KDM3B: variants seen among roughly 807,000 people sequenced by gnomAD.
KDM3B encodes the protein lysine-specific demethylase 3B.
Under a neutral mutation model 170.0 loss-of-function variants are expected in KDM3B, and 10 were observed. The ratio of observed to expected loss-of-function variants is 0.06; its 90% CI spans 0.04 to 0.10. The LOEUF (loss-of-function observed/expected upper bound fraction) is 0.10. KDM3B is among the 10% of genes least tolerant of loss of function. KDM3B has a pLI of 1.00. For missense variants in KDM3B, 1,394 were observed against 2,195.2 expected, an observed-to-expected ratio of 0.64 and a Z score of 7.29; for synonymous variants, 831 against 834.8, an observed-to-expected ratio of 1.00 and a Z score of 0.08.
chr5:138,357,011 G>T (rs967437240), intron 1 of KDM3B, among the ~76,000 whole-genome samples: 1 of 149,794 alleles, frequency 6.7e-6, no homozygotes, highest in African/African-American at 2.5e-5. Flanking sequence ...CAGAATTATC[G>T]GGCCTCTTTT....
At chr5:138,433,598 G>A (rs777514801) in intron 23 of KDM3B, among the ~76,000 whole-genome samples, 18 of 151,822 alleles carry the variant, frequency 1.2e-4, no homozygotes, top group Admixed American at 7.2e-4. Context: ...TGGTAGAGAC[G>A]TGGTTTCACC....
intron 6 of KDM3B, among the ~76,000 whole-genome samples, chr5:138,383,810 C>T (rs1189359769): frequency 1.3e-5 from 2 of 151,980 alleles, no homozygotes; most frequent in Non-Finnish European, 1.5e-5. Flanking sequence ...ATTAGCTGGG[C>T]GTAGTGGCGG....
intron 23 of KDM3B, among the ~76,000 whole-genome samples, chr5:138,432,559 C>T (rs1054810494): frequency 2.0e-5 from 3 of 152,028 alleles, no homozygotes; most frequent in African/African-American, 7.2e-5. Context: ...GTCCCAGCTA[C>T]TTGAGAGGCT....
intron 1 of KDM3B, among the ~76,000 whole-genome samples, chr5:138,360,665 G>A (rs1423976608): frequency 2.0e-5 from 3 of 150,644 alleles, no homozygotes; most frequent in Admixed American, 6.6e-5. Context: ...TCCACCTCCC[G>A]GGTTCAAGTG....
Position 138,398,257 on chromosome 5 carries a change from C to G in KDM3B, c.2911C>G (p.Leu971Val). ...PQQSDPDAMN[L>V]WIPSSSLAEG... ...GCAAAGTGACCCTGATGCCATGAACCTGTGGATTCCCTCTTCCTCCCTAGC... is the reference window on the plus strand; with the variant it reads ...GCAAAGTGACCCTGATGCCATGAACGTGTGGATTCCCTCTTCCTCCCTAGC... The change falls in exon 10 of 24, where the codon CTG becomes GTG. Residue 971 changes from leucine (L) to valine (V), a missense_variant. This residue lies in a region of KDM3B where 76 missense variants were observed against 190.2 expected (regional missense o/e 0.40). Coordinates refer to ENST00000314358, the MANE Select transcript of KDM3B (RefSeq NM_016604.4). 1 of 1,614,132 alleles carries G rather than the reference C, an allele frequency of 6.2e-7. No homozygotes were observed. The highest frequency in any genetic ancestry group is 8.5e-7 in the Non-Finnish European group (1 of 1,180,024).
Position 138,391,943 on chromosome 5 carries a change from A to C in KDM3B, c.2311A>C (p.Arg771=), listed in dbSNP as rs1314178644. The part of the protein sequence containing the change: ...LLKTFSNVFG[R]HSGGFLSSPA... ...CAAAACCTTTAGTAACGTCTTTGGC[A>C]GGCACTCAGGCGGCTTTCTGTCCTC... Residue 771 remains arginine, a synonymous_variant, in exon 8 of 24, where the codon AGG becomes CGG. Coordinates refer to ENST00000314358, the MANE Select transcript of KDM3B (RefSeq NM_016604.4). The surrounding 1 kb of genome is among the most constrained non-coding windows in gnomAD (Gnocchi z 5.0). 6.2e-7 allele frequency: 1 copy of C among 1,612,512 alleles called. No individual in the cohort carries two copies. Among genetic ancestry groups the C allele is most frequent in the South Asian group, 1.1e-5 (1 of 91,050 alleles).
intron 7 of KDM3B, among the ~76,000 whole-genome samples, chr5:138,389,695 G>C (rs1315471940): frequency 6.6e-6 from 1 of 151,772 alleles, no homozygotes; most frequent in Non-Finnish European, 1.5e-5. Context: ...AGCAAGTCAA[G>C]TACTAGGATC....
At chr5:138,388,370 T>C (rs868646878) in intron 7 of KDM3B, among the ~76,000 whole-genome samples, 1 of 151,982 alleles carries the variant, frequency 6.6e-6, no homozygotes, top group South Asian at 2.1e-4. Context: ...GTACAGCTCA[T>C]GCCTGTAATC....
intron 3 of KDM3B, among the ~76,000 whole-genome samples, chr5:138,376,219 C>T (rs570902557): frequency 6.6e-6 from 1 of 152,078 alleles, no homozygotes; most frequent in East Asian, 2.0e-4. Flanking sequence ...CTCAAGTGAT[C>T]CACCTGCTTT....
At chr5:138,421,243 T>G (rs1763265623) in intron 15 of KDM3B, among the ~76,000 whole-genome samples, 1 of 152,248 alleles carries the variant, frequency 6.6e-6, no homozygotes. Flanking sequence ...ATTAATTTTT[T>G]TTTAACCTGG....
chr5:138,384,018 A>G (rs1253981247), intron 6 of KDM3B, among the ~76,000 whole-genome samples: 1 of 151,912 alleles, frequency 6.6e-6, no homozygotes, highest in Non-Finnish European at 1.5e-5. Context: ...ACACTTTGGG[A>G]GGCCGAGGCG....
intron 9 of KDM3B, among the ~76,000 whole-genome samples, chr5:138,395,056 T>C (rs992298822): frequency 7.2e-5 from 11 of 152,182 alleles, no homozygotes; most frequent in African/African-American, 2.4e-4. Flanking sequence ...CATTTACTGA[T>C]AAAGAGATTC....
At chr5:138,388,666 G>T (rs2126946231) in intron 7 of KDM3B, among the ~76,000 whole-genome samples, 1 of 142,886 alleles carries the variant, frequency 7.0e-6, no homozygotes, top group African/African-American at 2.6e-5. Flanking sequence ...AAAAAAAAAG[G>T]CTGGGCTTGG....
At chr5:138,389,786 G>GTGTGTA (rs1762379967) in intron 7 of KDM3B, among the ~76,000 whole-genome samples, 1 of 150,688 alleles carries the variant, frequency 6.6e-6, no homozygotes, top group Non-Finnish European at 1.5e-5. Flanking sequence ...CTCTCTCTGT[G>GTGTGTA]TGTGTGTGTG....
intron 9 of KDM3B, among the ~76,000 whole-genome samples, chr5:138,397,269 C>T (rs1337883368): frequency 1.3e-5 from 2 of 151,854 alleles, no homozygotes; most frequent in African/African-American, 2.4e-5. Context: ...CCGGAGGAGG[C>T]GTTTGCAGTG....
In KDM3B at chr5:138,431,407, G is replaced by T. The variant is rs760277965; in HGVS notation, c.5071-18G>T. 6.3e-7 allele frequency: 1 copy of T among 1,575,040 alleles called. No individual in the cohort carries two copies. The highest frequency in any genetic ancestry group is 2.3e-5 in the East Asian group (1 of 43,656). On this transcript the variant is annotated intron_variant, in intron 22 of 23. Transcript: ENST00000314358. ...CTCTAATGTCTGATATTTCTCCTCT[G>T]CACTTTGCCCTTCTCAGGTTCACAA...
At chr5:138,434,735 A>G (rs566488965) in intron 23 of KDM3B, among the ~76,000 whole-genome samples, 1 of 152,288 alleles carries the variant, frequency 6.6e-6, no homozygotes, top group East Asian at 1.9e-4. Context: ...AATGTAAGCT[A>G]TTTAAGCTCT....
chr5:138,419,700 TAC>T lies in KDM3B; in HGVS notation c.3715+478_3715+479del, dbSNP rs1217165992. ...ATATATATATATATACATATATATA[TAC>T]ACACACACATATATATACACACACA... On this transcript the variant is annotated intron_variant, in intron 14 of 23. Transcript: ENST00000314358. Among the ~76,000 whole-genome samples, 1,148 of 124,074 alleles carry T rather than the reference TAC, an allele frequency of 9.3e-3. 28 individuals carry two copies. The highest frequency in any genetic ancestry group is 0.035 in the African/African-American group (1,093 of 31,582). 81.4% of individuals were successfully genotyped at this position (124,074 alleles called of 152,430 possible).
At chr5:138,403,867 C>CATAT (rs1040515662) in intron 11 of KDM3B, among the ~76,000 whole-genome samples, 2 of 147,856 alleles carry the variant, frequency 1.4e-5, no homozygotes, top group Non-Finnish European at 3.0e-5. Context: ...AGCTACTATA[C>CATAT]ATCTTATAAA....
Sources: gnomAD v4.1 joint callset for allele counts (sites outside exome capture counted in the v4.1 genomes callset) on GRCh38, gnomAD v4.1.1 for gene constraint, gnomAD v4.1.1 regional missense constraint, Gnocchi (gnomAD v3.1) non-coding constraint, MANE v1.5 for transcripts, NCBI Gene and HGNC (gene_info 2026-07-23, HGNC 2026-07-21) for gene names.